Variants in ABI2 observed in about 807,000 individuals in gnomAD.
ABI2 encodes the protein abl interactor 2.
A neutral mutation model predicts 59.2 loss-of-function variants in ABI2; 25 were observed. The observed-to-expected ratio is 0.42, with a 90% CI of 0.31 to 0.59. The LOEUF (loss-of-function observed/expected upper bound fraction) is 0.59, where lower values mean the gene tolerates loss of function less well. ABI2 is among the 20% of genes least tolerant of loss of function. ABI2 has a pLI of 0.14. For missense variants in ABI2, 545 were observed against 681.8 expected, an observed-to-expected ratio of 0.80 and a Z score of 2.23; for synonymous variants, 213 against 235.5, an observed-to-expected ratio of 0.90 and a Z score of 0.87.
At chr2:203,375,170 A>G (rs1200037309) in intron 2 of ABI2, among the ~76,000 whole-genome samples, 2 of 152,240 alleles carry the variant, frequency 1.3e-5, no homozygotes, top group Non-Finnish European at 2.9e-5. Flanking sequence ...AGGATGGGGA[A>G]GCTAATTAAT....
intron 1 of ABI2, among the ~76,000 whole-genome samples, chr2:203,365,323 C>T (rs2094257921): frequency 6.6e-6 from 1 of 151,972 alleles, no homozygotes; most frequent in Non-Finnish European, 1.5e-5. Flanking sequence ...CATAGTAATA[C>T]CATTTTAAAT....
intron 1 of ABI2, among the ~76,000 whole-genome samples, chr2:203,337,468 A>T (rs1488001474): frequency 6.6e-6 from 1 of 152,222 alleles, no homozygotes; most frequent in Non-Finnish European, 1.5e-5. Flanking sequence ...AAACTATAAG[A>T]CATTTATGAA....
chr2:203,418,269 A>G (rs1439587642), intron 11 of ABI2, among the ~76,000 whole-genome samples: 1 of 152,232 alleles, frequency 6.6e-6, no homozygotes, highest in Non-Finnish European at 1.5e-5. Context: ...TTGCTACCTA[A>G]CAAGTTATTC....
chr2:203,381,345 T>C (rs1244514959), intron 3 of ABI2, among the ~76,000 whole-genome samples: 1 of 152,202 alleles, frequency 6.6e-6, no homozygotes, highest in East Asian at 1.9e-4. Flanking sequence ...GGCACAATCA[T>C]AGCTCGCTCC....
chr2:203,341,692 A>G (rs2080020612), intron 1 of ABI2, among the ~76,000 whole-genome samples: 1 of 152,204 alleles, frequency 6.6e-6, no homozygotes, highest in African/African-American at 2.4e-5. Context: ...CCTGGGCAAC[A>G]GAGCGAGACT....
chr2:203,384,308 T>TTGTTTTG (rs1559289589), intron 4 of ABI2, among the ~76,000 whole-genome samples: 1 of 79,894 alleles, frequency 1.3e-5, no homozygotes, highest in African/African-American at 3.4e-5. Flanking sequence ...TTTTTTTTTT[T>TTGTTTTG]TTTTTTTTTT....
intron 2 of ABI2, among the ~76,000 whole-genome samples, chr2:203,374,640 TAAA>T (rs1290891609): frequency 6.6e-6 from 1 of 152,100 alleles, no homozygotes; most frequent in Non-Finnish European, 1.5e-5. Flanking sequence ...TCACTTTATA[TAAA>T]AAAACTGAAA....
At chr2:203,401,586 TTGA>T (rs566414400) in intron 8 of ABI2, among the ~76,000 whole-genome samples, 2 of 152,204 alleles carry the variant, frequency 1.3e-5, no homozygotes, top group Non-Finnish European at 2.9e-5. Context: ...TACAGTGAAA[TTGA>T]TGATAACTAT....
chr2:203,384,309 T>TG (rs1559289603), intron 4 of ABI2, among the ~76,000 whole-genome samples: 3,423 of 140,370 alleles, frequency 0.024, 247 homozygotes, highest in African/African-American at 0.086. Context: ...TTTTTTTTTT[T>TG]TTTTTTTTTT....
chr2:203,427,008 A>G (rs1185310873), intron 11 of ABI2, among the ~76,000 whole-genome samples, 169 bp from the exon 12 acceptor site: 1 of 151,792 alleles, frequency 6.6e-6, no homozygotes, highest in Non-Finnish European at 1.5e-5. Context: ...ATTGTATATG[A>G]CTGGGTATTA....
At chr2:203,374,757 T>A in intron 2 of ABI2, 1 of 424,770 alleles carries the variant, frequency 2.4e-6, no homozygotes, top group Non-Finnish European at 4.9e-6. Flanking sequence ...ATAAAAAAAA[T>A]TGAGACATAT....
chr2:203,394,983 C>T (rs1006507032), intron 6 of ABI2, 137 bp downstream of exon 6: 5 of 937,618 alleles, frequency 5.3e-6, no homozygotes, highest in African/African-American at 4.9e-5. Flanking sequence ...TCTGATTTCA[C>T]CTCTCTCTCC....
chr2:203,371,832 G>GT (rs949610801), intron 2 of ABI2, among the ~76,000 whole-genome samples: 1 of 151,612 alleles, frequency 6.6e-6, no homozygotes, highest in Admixed American at 6.6e-5. Flanking sequence ...TTTCTGGTAA[G>GT]TTTTTTTTAA....
intron 1 of ABI2, among the ~76,000 whole-genome samples, chr2:203,354,389 A>G (rs1041956885): frequency 5.3e-5 from 8 of 152,070 alleles, no homozygotes; most frequent in African/African-American, 1.4e-4. Flanking sequence ...CTAATAATTC[A>G]TTTTTTTGAC....
rs1156536730 is a variant in ABI2 at position 203,408,833 on chromosome 2, CTT to C, written c.1193-2437_1193-2436del. On this transcript the variant is annotated intron_variant, in intron 9 of 11. Coordinates refer to ENST00000261018, the MANE Select transcript of ABI2 (RefSeq NM_001375670.1). ...TTTTGTCTATGCTACCTTCTCCTTT[CTT>C]TTTTTTTTTTTTTTGAGACGGAGTC... Among the ~76,000 whole-genome samples the C allele has an allele frequency of 8.2e-3, 718 of 87,190 alleles. 19 individuals are homozygous for C. Among genetic ancestry groups the C allele is most frequent in the Middle Eastern group, 0.027 (2 of 74 alleles). The allele number at this position is 87,190 out of a possible 152,430, so 57.2% of individuals were successfully genotyped here.
intron 9 of ABI2, among the ~76,000 whole-genome samples, chr2:203,406,839 CTTT>C (rs2097447144): frequency 2.0e-5 from 3 of 151,518 alleles, no homozygotes; most frequent in Admixed American, 2.0e-4. Context: ...CTTTTTTTTT[CTTT>C]AATAGAGACA....
chr2:203,333,732 C>T (rs1453127230), intron 1 of ABI2, among the ~76,000 whole-genome samples: 1 of 152,096 alleles, frequency 6.6e-6, no homozygotes, highest in Non-Finnish European at 1.5e-5. Flanking sequence ...ATTTGAGCCC[C>T]TTGCTCTTTT....
At chr2:203,375,158 G>C (rs1030349205) in intron 2 of ABI2, among the ~76,000 whole-genome samples, 2 of 152,216 alleles carry the variant, frequency 1.3e-5, no homozygotes, top group Non-Finnish European at 2.9e-5. Context: ...ATATCAGTGA[G>C]AAGGATGGGG....
At position 203,427,375 on chromosome 2, in the gene ABI2, C is replaced by T; in HGVS notation, c.*23C>T. ...TAAAGCTCAGCAGGGCTGTGCTTGC[C>T]TCACAGGAATAGTCAGGTCTTCCCA... On this transcript the variant is annotated 3_prime_UTR_variant, in exon 12 of 12. Coordinates refer to ENST00000261018, the MANE Select transcript of ABI2 (RefSeq NM_001375670.1). 6.2e-7 allele frequency: 1 copy of T among 1,600,860 alleles called. No individual in the cohort carries two copies. The highest frequency in any genetic ancestry group is 8.5e-7 in the Non-Finnish European group (1 of 1,171,314).
Sources: allele counts gnomAD v4.1 joint callset (sites outside exome capture counted in the v4.1 genomes callset), GRCh38; gene constraint gnomAD v4.1.1; transcripts MANE v1.5; gene names NCBI Gene and HGNC (gene_info 2026-07-23, HGNC 2026-07-21).